Variants in SRGAP3 observed in about 807,000 individuals in gnomAD.
SRGAP3 encodes the protein SLIT-ROBO Rho GTPase activating protein 3.
In SRGAP3, 39 loss-of-function variants were observed where a neutral mutation model predicts 121.1. That is an observed-to-expected ratio of 0.32 (90% CI 0.25 to 0.42). The LOEUF is 0.42. Ranked by LOEUF, SRGAP3 falls within the 10% of genes least tolerant of loss-of-function variation. The probability of loss-of-function intolerance (pLI) is 1.00; values close to 1 mark genes in which losing one functional copy is unlikely to be tolerated. For missense variants in SRGAP3, 1,213 were observed against 1,470.6 expected (o/e 0.82, Z 2.86); for synonymous variants, 601 against 570.0 (o/e 1.05, Z -0.77).
intron 1 of SRGAP3, among the ~76,000 whole-genome samples, chr3:9,222,947 T>G (rs1004161488): frequency 6.6e-6 from 1 of 152,372 alleles, no homozygotes; most frequent in South Asian, 2.1e-4. Flanking sequence ...TCACATACCC[T>G]GAGCAAGATA....
At chr3:9,186,990 T>G (rs1951614261) in intron 1 of SRGAP3, among the ~76,000 whole-genome samples, 1 of 152,162 alleles carries the variant, frequency 6.6e-6, no homozygotes, top group Non-Finnish European at 1.5e-5. Context: ...TACTTTAAAT[T>G]CTGGGACACA....
At chr3:9,244,778 A>G (rs1472150151) in intron 1 of SRGAP3, among the ~76,000 whole-genome samples, 1 of 152,214 alleles carries the variant, frequency 6.6e-6, no homozygotes, top group Non-Finnish European at 1.5e-5. Flanking sequence ...TGTTAAGGAC[A>G]CTTATGAGCA....
intron 17 of SRGAP3, among the ~76,000 whole-genome samples, chr3:9,012,658 A>C (rs7629363): frequency 0.021 from 3,158 of 152,240 alleles, 101 homozygotes; most frequent in African/African-American, 0.073. Flanking sequence ...CAAGGGTAGG[A>C]AGTGTCACAG....
chr3:9,314,427 A>T (rs376474733), intron 3 of SRGAP3, among the ~76,000 whole-genome samples: 2 of 152,240 alleles, frequency 1.3e-5, no homozygotes, highest in African/African-American at 4.8e-5. Flanking sequence ...GGGAGACAGG[A>T]GGAAGAAGAA....
chr3:9,043,940 G>GT (rs1473866010), intron 10 of SRGAP3, among the ~76,000 whole-genome samples: 5 of 152,118 alleles, frequency 3.3e-5, no homozygotes, highest in African/African-American at 1.2e-4. Flanking sequence ...CAATAAAAAG[G>GT]TTATAAGTCT....
At chr3:9,320,710 G>A (rs547871035) in intron 3 of SRGAP3, among the ~76,000 whole-genome samples, 5 of 151,894 alleles carry the variant, frequency 3.3e-5, no homozygotes, top group African/African-American at 7.2e-5. Flanking sequence ...TACAGAGACC[G>A]AGAGTGAGAG....
chr3:9,212,211 G>GA (rs1191627346), intron 1 of SRGAP3, among the ~76,000 whole-genome samples: 1 of 152,204 alleles, frequency 6.6e-6, no homozygotes, highest in Non-Finnish European at 1.5e-5. Context: ...AGTAGAGGAT[G>GA]AAGGAGTTAA....
Position 8,985,194 on chromosome 3 carries a change from T to G in SRGAP3, c.*325A>C, listed in dbSNP as rs1941610367. 3 of 454,340 alleles carry G rather than the reference T, an allele frequency of 6.6e-6. 1 individual carries two copies. In the South Asian group the frequency reaches 7.6e-5, roughly 11 times the overall value. The allele number at this position is 454,340 out of a possible 1,614,324, so 28.1% of individuals were successfully genotyped here. On this transcript the variant is annotated 3_prime_UTR_variant, in exon 22 of 22. Transcript: ENST00000383836. The surrounding 1 kb of genome is among the most constrained non-coding windows in gnomAD (Gnocchi z 5.1). The stretch of plus-strand genomic sequence containing the variant: ...CACACATATACGTATGTAGAGAGAA[T>G]GTCGAGAGAGGAAGTTTCCAGTGAC...
chr3:9,329,406 T>C (rs909055314), intron 2 of SRGAP3, among the ~76,000 whole-genome samples: 3 of 152,172 alleles, frequency 2.0e-5, no homozygotes, highest in African/African-American at 7.2e-5. Flanking sequence ...AAATGATCTT[T>C]TTTTGTTCTG....
At chr3:9,072,183 A>C (rs1036923201) in intron 4 of SRGAP3, among the ~76,000 whole-genome samples, 1 of 152,158 alleles carries the variant, frequency 6.6e-6, no homozygotes, top group African/African-American at 2.4e-5. Flanking sequence ...GGCTCCCTCC[A>C]GCATCCCGGG....
chr3:9,026,285 A>C (rs1289887312), intron 13 of SRGAP3, among the ~76,000 whole-genome samples: 1 of 152,190 alleles, frequency 6.6e-6, no homozygotes, highest in Non-Finnish European at 1.5e-5. Flanking sequence ...GCACTATCTC[A>C]AATGATATTA....
At chr3:9,319,978 T>G (rs1217853356) in intron 3 of SRGAP3, among the ~76,000 whole-genome samples, 4 of 151,940 alleles carry the variant, frequency 2.6e-5, no homozygotes, top group Non-Finnish European at 5.9e-5. Context: ...AGAACAAAGC[T>G]GGTCTCATCC....
intron 1 of SRGAP3, among the ~76,000 whole-genome samples, chr3:9,154,598 T>C (rs73811442): frequency 6.6e-6 from 1 of 152,180 alleles, no homozygotes; most frequent in African/African-American, 2.4e-5. Flanking sequence ...AAGACTTTCC[T>C]GTTCACGTGA....
chr3:9,147,793 C>G (rs1307676452), intron 1 of SRGAP3, among the ~76,000 whole-genome samples: 1 of 152,150 alleles, frequency 6.6e-6, no homozygotes, highest in Non-Finnish European at 1.5e-5. Context: ...AGAGGTGAAG[C>G]CTCCAGGAGA....
chr3:9,303,418 C>G (rs993338931), intron 3 of SRGAP3, among the ~76,000 whole-genome samples: 8 of 149,470 alleles, frequency 5.4e-5, no homozygotes, highest in Non-Finnish European at 8.9e-5. Context: ...GAGTGAGACT[C>G]CATCTCAAAA....
chr3:9,175,933 T>A (rs571498720), intron 1 of SRGAP3, among the ~76,000 whole-genome samples: 1 of 152,268 alleles, frequency 6.6e-6, no homozygotes, highest in East Asian at 1.9e-4. Flanking sequence ...GATTCTTTTT[T>A]TCTTTTGATA....
intron 3 of SRGAP3, among the ~76,000 whole-genome samples, chr3:9,097,938 C>CT (rs58053060): frequency 0.02 from 3,031 of 152,230 alleles, 109 homozygotes; most frequent in African/African-American, 0.069. Context: ...ACTTTCCTCC[C>CT]TTTTTTTCTG....
chr3:9,329,685 C>T (rs1298142887), intron 2 of SRGAP3, among the ~76,000 whole-genome samples: 1 of 152,192 alleles, frequency 6.6e-6, no homozygotes, highest in East Asian at 1.9e-4. Context: ...AAGACCCATT[C>T]GTTTCAGCAA....
intron 1 of SRGAP3, among the ~76,000 whole-genome samples, chr3:9,341,862 A>C (rs1421772350): frequency 6.6e-6 from 1 of 152,104 alleles, no homozygotes; most frequent in Non-Finnish European, 1.5e-5. Flanking sequence ...ATGGCTGTAA[A>C]TGTCACATTT....
Sources: allele counts gnomAD v4.1 joint callset (sites outside exome capture counted in the v4.1 genomes callset), GRCh38; gene constraint gnomAD v4.1.1; non-coding constraint Gnocchi (gnomAD v3.1); transcripts MANE v1.5; gene names NCBI Gene and HGNC (gene_info 2026-07-23, HGNC 2026-07-21).